The following BTRC variants were observed in gnomAD, a reference collection of about 807,000 sequenced individuals.
BTRC encodes the protein beta-transducin repeat containing E3 ubiquitin protein ligase.
BTRC carries 42 observed loss-of-function variants against 85.5 expected under a neutral mutation model. The ratio of observed to expected loss-of-function variants is 0.49; its 90% CI spans 0.38 to 0.64. BTRC has a LOEUF of 0.64. Among genes scored for constraint, BTRC ranks in the 30% least tolerant of loss-of-function variants. BTRC has a pLI of 0.00. For synonymous variants in BTRC, 255 were observed against 263.3 expected (o/e 0.97, Z 0.30); for missense variants, 594 against 743.5 (o/e 0.80, Z 2.34).
chr10:101,553,955 C>G lies in BTRC; in HGVS notation c.*832C>G, dbSNP rs1333075047. 1 of 131,172 alleles carries G rather than the reference C, an allele frequency of 7.6e-6. No homozygotes were observed. Among genetic ancestry groups the G allele is most frequent in the Non-Finnish European group, 1.5e-5 (1 of 65,540 alleles). 8.1% of individuals were successfully genotyped at this position (131,172 alleles called of 1,614,324 possible). A position where few individuals can be genotyped will look rare whatever the true frequency, so the allele number is the denominator to read the frequency against. The stretch of plus-strand genomic sequence containing the variant: ...GCCCCAGGCCTTTGCTGCAAGTGAC[C>G]CTGTGGCAACAGTGGATTCTCAGAC... On this transcript the variant is annotated 3_prime_UTR_variant, in exon 15 of 15. Transcript: ENST00000370187.
At position 101,444,932 on chromosome 10, in the gene BTRC, A is replaced by G. The variant is rs140933844; in HGVS notation, c.156+14480A>G. ...GTTAGGTTTTATTAGTGGTTTTCTC[A>G]TATATAGTAGGGCATGGCCTTGAGG... On this transcript the variant is annotated intron_variant, in intron 2 of 14. Transcript: ENST00000370187. Among the ~76,000 whole-genome samples the G allele has an allele frequency of 9.8e-5, 15 of 152,290 alleles. No individual in the cohort carries two copies. The East Asian group carries it at 1.9e-3, about 20-fold the overall frequency.
intron 4 of BTRC, among the ~76,000 whole-genome samples, chr10:101,494,715 A>G (rs973597773): frequency 2.0e-5 from 3 of 152,226 alleles, no homozygotes; most frequent in Admixed American, 6.5e-5. Context: ...TTGAAATCCA[A>G]CCATGAAAAA....
At chr10:101,442,284 G>GTGTGTA (rs1944704718) in intron 2 of BTRC, among the ~76,000 whole-genome samples, 5 of 126,972 alleles carry the variant, frequency 3.9e-5, no homozygotes, top group Admixed American at 3.9e-4. Context: ...CTCTCTCTCT[G>GTGTGTA]TCTCTGTGTG....
chr10:101,534,565 C>T (rs559789850), intron 9 of BTRC, 96 bp from the exon 10 acceptor site: 2 of 1,488,232 alleles, frequency 1.3e-6, no homozygotes, highest in East Asian at 2.3e-5. Flanking sequence ...GTCTGGCCCT[C>T]TCTCTAAATA....
intron 2 of BTRC, among the ~76,000 whole-genome samples, chr10:101,449,514 T>C (rs555692578): frequency 6.6e-6 from 1 of 152,198 alleles, no homozygotes; most frequent in South Asian, 2.1e-4. Context: ...CTGGATGAAA[T>C]ATTTTTGTAA....
intron 1 of BTRC, chr10:101,364,957 C>T (rs1233434480): frequency 6.6e-6 from 1 of 151,832 alleles, no homozygotes; most frequent in African/African-American, 2.4e-5. Context: ...ATATTGTCCT[C>T]AGATAGAGGA....
intron 2 of BTRC, among the ~76,000 whole-genome samples, chr10:101,438,345 A>T (rs1374824725): frequency 2.1e-5 from 3 of 141,062 alleles, no homozygotes; most frequent in Non-Finnish European, 1.5e-5. Flanking sequence ...GAATGGCATG[A>T]ACCCGGGAGG....
At chr10:101,365,353 G>A (rs1481167207) in intron 1 of BTRC, among the ~76,000 whole-genome samples, 2 of 149,220 alleles carry the variant, frequency 1.3e-5, no homozygotes, top group South Asian at 2.1e-4. Context: ...GATTACTGGC[G>A]TGAGCCACCG....
chr10:101,378,639 C>T (rs1161666337), intron 1 of BTRC, among the ~76,000 whole-genome samples: 1 of 151,488 alleles, frequency 6.6e-6, no homozygotes, highest in Non-Finnish European at 1.5e-5. Context: ...ATTCTCCTGC[C>T]TCAGCCTCCC....
chr10:101,458,148 G>T (rs1945128868), intron 2 of BTRC, among the ~76,000 whole-genome samples: 2 of 151,960 alleles, frequency 1.3e-5, no homozygotes, highest in Non-Finnish European at 2.9e-5. Context: ...ACAAAACTGT[G>T]GCACATCCAT....
chr10:101,393,183 G>A (rs182262390), intron 1 of BTRC, among the ~76,000 whole-genome samples: 90 of 152,248 alleles, frequency 5.9e-4, no homozygotes, highest in African/African-American at 2.0e-3. Context: ...CTGGAGGGTG[G>A]TGTGCCCAGG....
chr10:101,511,169 C>G (rs138261389), intron 4 of BTRC, among the ~76,000 whole-genome samples: 138 of 152,292 alleles, frequency 9.1e-4, no homozygotes, highest in Non-Finnish European at 1.8e-3. Context: ...GCCCCAGCCA[C>G]CTTAATTCCC....
intron 2 of BTRC, among the ~76,000 whole-genome samples, chr10:101,447,701 A>G (rs1382622141): frequency 6.6e-6 from 1 of 152,136 alleles, no homozygotes. Context: ...AATTATAGTA[A>G]CAGATTAGTA....
chr10:101,471,270 C>A (rs1468290956), intron 3 of BTRC, among the ~76,000 whole-genome samples: 3 of 152,156 alleles, frequency 2.0e-5, no homozygotes, highest in Admixed American at 1.3e-4. Context: ...CTCCTGTAAT[C>A]CCAACACTTT....
chr10:101,425,511 T>C (rs1480264094), intron 1 of BTRC, among the ~76,000 whole-genome samples: 2 of 152,212 alleles, frequency 1.3e-5, no homozygotes, highest in African/African-American at 4.8e-5. Context: ...GTTAACTTTG[T>C]CATAGCTTTT....
At chr10:101,436,232 A>T (rs945932639) in intron 2 of BTRC, among the ~76,000 whole-genome samples, 1 of 152,224 alleles carries the variant, frequency 6.6e-6, no homozygotes, top group Admixed American at 6.5e-5. Flanking sequence ...CCTATAATCT[A>T]TAATATTAAA....
chr10:101,539,049 TA>T (rs34996474), intron 13 of BTRC, among the ~76,000 whole-genome samples: 38,369 of 141,128 alleles, frequency 0.27, 5,762 homozygotes, highest in South Asian at 0.41. Flanking sequence ...AACTCTGTCT[TA>T]AAAAAAAAAA....
At chr10:101,461,693 C>T (rs1378721785) in intron 2 of BTRC, among the ~76,000 whole-genome samples, 1 of 152,116 alleles carries the variant, frequency 6.6e-6, no homozygotes, top group Non-Finnish European at 1.5e-5. Flanking sequence ...CCAGTGTCAA[C>T]CTGTGTCAAA....
rs1031072157 is a variant in BTRC at position 101,521,795 on chromosome 10, T to G, written c.481T>G (p.Cys161Gly). The change falls in exon 5 of 15, where the codon TGT becomes GGT. Residue 161 changes from cysteine to glycine, a missense_variant. Around this residue, in one of 4 missense-constraint regions of BTRC, gnomAD observed 2 missense variants for 19.8 expected, o/e 0.10. Coordinates refer to ENST00000370187, the MANE Select transcript of BTRC (RefSeq NM_033637.4). The stretch of plus-strand genomic sequence containing the variant: ...TGTGGAACATCTTATATCCCAAATG[T>G]GTCATTACCAACATGGGCACATAAA... ...EFVEHLISQM[C>G]HYQHGHINSY... 1 of 1,613,986 alleles carries G rather than the reference T, an allele frequency of 6.2e-7. No individual in the cohort carries two copies. The highest frequency in any genetic ancestry group is 1.3e-5 in the African/African-American group (1 of 74,922).
Sources: gnomAD v4.1 joint callset for allele counts (sites outside exome capture counted in the v4.1 genomes callset) on GRCh38, gnomAD v4.1.1 for gene constraint, gnomAD v4.1.1 regional missense constraint, MANE v1.5 for transcripts, NCBI Gene and HGNC (gene_info 2026-07-23, HGNC 2026-07-21) for gene names.